ZEB1: variants seen among roughly 807,000 people sequenced by gnomAD.
The protein encoded by ZEB1 is zinc finger E-box binding homeobox 1.
In ZEB1, 21 loss-of-function variants were observed where a neutral mutation model predicts 84.9. The observed-to-expected ratio is 0.25, with a 90% CI of 0.18 to 0.36. ZEB1 has a LOEUF of 0.36. Ranked by LOEUF, ZEB1 falls within the 10% of genes least tolerant of loss-of-function variation. The probability of loss-of-function intolerance (pLI) is 1.00; values close to 1 mark genes in which losing one functional copy is unlikely to be tolerated. For missense variants in ZEB1, 1,104 were observed against 1,330.2 expected (o/e 0.83, Z 2.65); for synonymous variants, 420 against 471.1 (o/e 0.89, Z 1.41).
chr10:31,390,611 G>A (rs115993719), intron 1 of ZEB1, among the ~76,000 whole-genome samples: 2,582 of 152,196 alleles, frequency 0.017, 69 homozygotes, highest in African/African-American at 0.057. Context: ...AGTAACCACA[G>A]CAGTTTTCAG....
rs147894793 is a variant in ZEB1 at position 31,417,460 on chromosome 10, T to C, written c.59-43577T>C. Among the ~76,000 whole-genome samples, 3 of 152,250 alleles carry C rather than the reference T, an allele frequency of 2.0e-5. No homozygotes were observed. The East Asian group carries it at 5.8e-4, about 29-fold the overall frequency. ...AGAGTATCTAGAGGAAATTGCGTAT[T>C]CTGGTTAATGAGTGGCTTATCACAT... On this transcript the variant is annotated intron_variant, in intron 1 of 8. Transcript: ENST00000424869.
chr10:31,368,334 T>C (rs573979662), intron 1 of ZEB1, among the ~76,000 whole-genome samples: 1 of 152,112 alleles, frequency 6.6e-6, no homozygotes, highest in African/African-American at 2.4e-5. Flanking sequence ...TTTTGAACTT[T>C]TTTGTAGAGA....
intron 1 of ZEB1, among the ~76,000 whole-genome samples, chr10:31,445,321 A>G (rs1245853135): frequency 6.7e-6 from 1 of 149,688 alleles, no homozygotes; most frequent in African/African-American, 2.5e-5. Flanking sequence ...TTGGGCTGAG[A>G]CAATGGGGTT....
chr10:31,440,465 A>G (rs1289165192), intron 1 of ZEB1, among the ~76,000 whole-genome samples: 1 of 152,200 alleles, frequency 6.6e-6, no homozygotes, highest in Non-Finnish European at 1.5e-5. Flanking sequence ...GAATGGGCAA[A>G]AATTGGGAGC....
chr10:31,347,711 TA>T (rs1253898645), intron 1 of ZEB1, among the ~76,000 whole-genome samples: 1 of 152,146 alleles, frequency 6.6e-6, no homozygotes, highest in Non-Finnish European at 1.5e-5. Context: ...TTTGAAAAAT[TA>T]AAAAAATTTT....
At chr10:31,326,428 A>T (rs943584872) in intron 1 of ZEB1, among the ~76,000 whole-genome samples, 15 of 152,020 alleles carry the variant, frequency 9.9e-5, no homozygotes, top group African/African-American at 3.4e-4. Context: ...TGGGAGGGAG[A>T]AAGTAAAGGA....
intron 1 of ZEB1, among the ~76,000 whole-genome samples, chr10:31,435,955 A>G (rs1276077459): frequency 6.6e-6 from 1 of 152,208 alleles, no homozygotes; most frequent in Non-Finnish European, 1.5e-5. Flanking sequence ...TGTTGATGAT[A>G]GACGGGATAT....
chr10:31,367,214 T>G (rs1406325245), intron 1 of ZEB1, among the ~76,000 whole-genome samples: 1 of 152,182 alleles, frequency 6.6e-6, no homozygotes, highest in African/African-American at 2.4e-5. Context: ...TTTTAAAGTA[T>G]TTTGCTTCCC....
intron 1 of ZEB1, among the ~76,000 whole-genome samples, chr10:31,344,207 T>C (rs910884399): frequency 1.3e-5 from 2 of 152,114 alleles, no homozygotes; most frequent in African/African-American, 4.8e-5. Context: ...TAAGTAAATA[T>C]ATAGCCATGG....
At chr10:31,330,046 A>T (rs936185361) in intron 1 of ZEB1, among the ~76,000 whole-genome samples, 1 of 152,076 alleles carries the variant, frequency 6.6e-6, no homozygotes, top group Non-Finnish European at 1.5e-5. Context: ...TTAAATTTTG[A>T]TGGAGTTTAA....
chr10:31,351,868 A>G (rs2041366972), intron 1 of ZEB1, among the ~76,000 whole-genome samples: 2 of 152,300 alleles, frequency 1.3e-5, no homozygotes, highest in East Asian at 3.9e-4. Flanking sequence ...GGAAATTTTT[A>G]TGAAGTAGTA....
At chr10:31,320,003 G>A (rs867369353) in intron 1 of ZEB1, 1 of 150,888 alleles carries the variant, frequency 6.6e-6, no homozygotes, top group Non-Finnish European at 1.5e-5. Flanking sequence ...GGCCGGCGGC[G>A]GTAAAGTTGG....
chr10:31,469,348 G>A (rs962385987), intron 2 of ZEB1, among the ~76,000 whole-genome samples: 1 of 152,142 alleles, frequency 6.6e-6, no homozygotes, highest in African/African-American at 2.4e-5. Context: ...CAGGTCAGTG[G>A]GTGCGCGCAC....
At chr10:31,336,246 A>T (rs1197747702) in intron 1 of ZEB1, among the ~76,000 whole-genome samples, 3 of 152,176 alleles carry the variant, frequency 2.0e-5, no homozygotes, top group Non-Finnish European at 4.4e-5. Flanking sequence ...TAATAGCAAG[A>T]TACTCATTCA....
At chr10:31,479,351 T>C (rs2064733390) in intron 2 of ZEB1, among the ~76,000 whole-genome samples, 1 of 151,908 alleles carries the variant, frequency 6.6e-6, no homozygotes, top group Admixed American at 6.6e-5. Context: ...AATCAGTTCT[T>C]CTCAAATTCT....
intron 1 of ZEB1, among the ~76,000 whole-genome samples, chr10:31,449,723 A>ATT: frequency 6.6e-6 from 1 of 152,182 alleles, no homozygotes; most frequent in Admixed American, 6.5e-5. Context: ...TCTCTGGTAT[A>ATT]TCTAGTTTAT....
intron 1 of ZEB1, chr10:31,321,267 A>G: frequency 7.6e-7 from 1 of 1,309,830 alleles, no homozygotes; most frequent in Admixed American, 3.4e-5. Context: ...TTTCCTTCCA[A>G]TCCATAATTA....
intron 1 of ZEB1, chr10:31,363,939 G>T (rs1463812729): frequency 7.7e-7 from 1 of 1,303,994 alleles, no homozygotes. Context: ...GAGCTGCAGG[G>T]TGAGCCCGGC....
chr10:31,468,535 GT>G (rs2062731177), intron 2 of ZEB1, among the ~76,000 whole-genome samples: 2 of 152,168 alleles, frequency 1.3e-5, no homozygotes, highest in South Asian at 2.1e-4. Flanking sequence ...AATGAGGTAA[GT>G]TTCCCCCAAA....
Sources: allele counts gnomAD v4.1 joint callset (sites outside exome capture counted in the v4.1 genomes callset), GRCh38; gene constraint gnomAD v4.1.1; transcripts MANE v1.5; gene names NCBI Gene and HGNC (gene_info 2026-07-23, HGNC 2026-07-21).